PRPH2: variants seen among roughly 807,000 people sequenced by gnomAD.
The protein encoded by PRPH2 is peripherin-2.
A neutral mutation model predicts 31.3 loss-of-function variants in PRPH2; 17 were observed. That is an observed-to-expected ratio of 0.54 (90% CI 0.37 to 0.81). The LOEUF is 0.81. Among genes scored for constraint, PRPH2 ranks in the 40% least tolerant of loss-of-function variants. PRPH2 has a pLI of 0.00. For missense variants in PRPH2, 430 were observed against 439.7 expected, an observed-to-expected ratio of 0.98 and a Z score of 0.20; for synonymous variants, 165 against 184.4, an observed-to-expected ratio of 0.89 and a Z score of 0.85.
chr6:42,720,999 T>C (rs1237798472), intron 1 of PRPH2, among the ~76,000 whole-genome samples: 1 of 152,218 alleles, frequency 6.6e-6, no homozygotes, highest in Non-Finnish European at 1.5e-5. Context: ...TTAGAAATGC[T>C]TTATCACATT....
At chr6:42,703,323 G>A (rs1044713536) in intron 2 of PRPH2, among the ~76,000 whole-genome samples, 43 of 152,218 alleles carry the variant, frequency 2.8e-4, no homozygotes, top group African/African-American at 9.6e-4. Context: ...TAGCTACAGA[G>A]AAACTGAGCG....
chr6:42,713,952 G>C (rs1031958440), intron 1 of PRPH2, among the ~76,000 whole-genome samples: 5 of 147,820 alleles, frequency 3.4e-5, no homozygotes, highest in Admixed American at 6.8e-5. Flanking sequence ...AAAAAAGACA[G>C]GGAAAGACAG....
intron 1 of PRPH2, among the ~76,000 whole-genome samples, chr6:42,710,824 G>A (rs1800264559): frequency 6.6e-6 from 1 of 152,230 alleles, no homozygotes. Context: ...ATAGGGCAAT[G>A]AGCAGGGGTA....
At chr6:42,699,555 C>G (rs1224476603) in intron 2 of PRPH2, among the ~76,000 whole-genome samples, 1 of 152,082 alleles carries the variant, frequency 6.6e-6, no homozygotes, top group Non-Finnish European at 1.5e-5. Flanking sequence ...GAAGTGGTGC[C>G]CACCCCGTGT....
chr6:42,721,729 G>C (rs758276201), intron 1 of PRPH2, 25 bp downstream of exon 1: 1 of 1,613,060 alleles, frequency 6.2e-7, no homozygotes, highest in Non-Finnish European at 8.5e-7. Context: ...TCATAGCTCT[G>C]ACCCCAGGAC....
At chr6:42,715,817 T>G (rs1427501690) in intron 1 of PRPH2, among the ~76,000 whole-genome samples, 1 of 152,170 alleles carries the variant, frequency 6.6e-6, no homozygotes, top group Non-Finnish European at 1.5e-5. Context: ...CTCCAAAACC[T>G]GCCCGCCCCT....
At chr6:42,708,084 G>A (rs1800202619) in intron 1 of PRPH2, among the ~76,000 whole-genome samples, 1 of 152,334 alleles carries the variant, frequency 6.6e-6, no homozygotes, top group Admixed American at 6.5e-5. Context: ...CACTGGGCAG[G>A]TGGCCGAGCA....
intron 1 of PRPH2, among the ~76,000 whole-genome samples, chr6:42,712,344 G>A (rs561353608): frequency 7.4e-4 from 113 of 152,262 alleles, no homozygotes; most frequent in Non-Finnish European, 1.3e-3. Flanking sequence ...CATAGACTGG[G>A]TATTGATTGA....
chr6:42,719,130 T>C (rs1761845860), intron 1 of PRPH2, among the ~76,000 whole-genome samples: 1 of 151,702 alleles, frequency 6.6e-6, no homozygotes, highest in African/African-American at 2.4e-5. Flanking sequence ...AAAATCTGAA[T>C]GCTTGCCTAA....
At chr6:42,704,149 CA>C (rs1333748389) in intron 2 of PRPH2, among the ~76,000 whole-genome samples, 1 of 140,152 alleles carries the variant, frequency 7.1e-6, no homozygotes, top group Admixed American at 7.5e-5. Flanking sequence ...GGAAAGAAAC[CA>C]AAAAAGAAAT....
chr6:42,698,527 T>C lies in PRPH2; in HGVS notation c.829-20A>G. Reference sequence around the variant, plus strand: ...GGTCACCTGGTGGTGGGAGAGGAGATTTAGAGGCAATCTGGGAGAATCGCT... The same window carrying C: ...GGTCACCTGGTGGTGGGAGAGGAGACTTAGAGGCAATCTGGGAGAATCGCT... On this transcript the variant is annotated intron_variant, in intron 2 of 2. Coordinates refer to ENST00000230381, the MANE Select transcript of PRPH2 (RefSeq NM_000322.5). 2 of 1,613,920 alleles carry C rather than the reference T, an allele frequency of 1.2e-6. No individual in the cohort carries two copies. The highest frequency in any genetic ancestry group is 1.7e-6 in the Non-Finnish European group (2 of 1,179,984).
At chr6:42,711,553 C>A (rs1761644719) in intron 1 of PRPH2, among the ~76,000 whole-genome samples, 1 of 97,222 alleles carries the variant, frequency 1.0e-5, no homozygotes, top group Non-Finnish European at 2.2e-5. Context: ...TCAGGGAGCC[C>A]CGGTCTGAGG....
In PRPH2 at chr6:42,704,573, T is replaced by C. The variant is rs1800116925; in HGVS notation, c.620A>G (p.Asp207Gly). 6.2e-7 allele frequency: 1 copy of C among 1,614,048 alleles called. No homozygotes were observed. The highest frequency in any genetic ancestry group is 8.5e-7 in the Non-Finnish European group (1 of 1,180,000). Reference protein sequence around the residue: ...KSNVDGRYLVDGVPFSCCNPS... With the variant: ...KSNVDGRYLVGGVPFSCCNPS... ...ATTGCAGCAGCTGAAAGGGACGCCGTCCACCAGGTACCGCCCATCCACGTT... is the reference window on the plus strand; with the variant it reads ...ATTGCAGCAGCTGAAAGGGACGCCGCCCACCAGGTACCGCCCATCCACGTT... The change falls in exon 2 of 3, where the codon GAC becomes GGC. Residue 207 changes from aspartate to glycine, a missense_variant. Transcript: ENST00000230381.
At chr6:42,711,945 A>G (rs1446534993) in intron 1 of PRPH2, 1 of 985,270 alleles carries the variant, frequency 1.0e-6, no homozygotes, top group African/African-American at 1.7e-5. Context: ...GCAACCTTTA[A>G]AAGAAGTGTT....
chr6:42,699,785 C>G (rs1341552215), intron 2 of PRPH2, among the ~76,000 whole-genome samples: 2 of 151,902 alleles, frequency 1.3e-5, no homozygotes, highest in Non-Finnish European at 2.9e-5. Flanking sequence ...CCCAGCTACC[C>G]GGGTACTTGG....
chr6:42,718,812 C>T (rs1430221539), intron 1 of PRPH2, among the ~76,000 whole-genome samples: 1 of 151,998 alleles, frequency 6.6e-6, no homozygotes, highest in Non-Finnish European at 1.5e-5. Context: ...GCCACCACTC[C>T]TGGCTAATGT....
chr6:42,706,975 C>CTTTTTTTTTTT, intron 1 of PRPH2, among the ~76,000 whole-genome samples: 1 of 123,642 alleles, frequency 8.1e-6, no homozygotes, highest in Non-Finnish European at 1.6e-5. Flanking sequence ...TCTTGGAGAT[C>CTTTTTTTTTTT]TTTTTTTTTT....
At chr6:42,715,228 CA>C (rs1761754306) in intron 1 of PRPH2, among the ~76,000 whole-genome samples, 1 of 151,506 alleles carries the variant, frequency 6.6e-6, no homozygotes, top group Non-Finnish European at 1.5e-5. Flanking sequence ...AACAAACAAA[CA>C]AAAACTAAAA....
At position 42,722,376 on chromosome 6, in the gene PRPH2, C is replaced by A. The variant is rs377728309; in HGVS notation, c.-42G>T. On this transcript the variant is annotated 5_prime_UTR_variant, in exon 1 of 3. Coordinates refer to ENST00000230381, the MANE Select transcript of PRPH2 (RefSeq NM_000322.5). This position sits in a 1 kb window ranked among gnomAD's most constrained non-coding sequence, Gnocchi z 4.4. ...CCGGGTTGCTTCCCACAGCACAGCT[C>A]CCACCCCAAACCTTAACGAGCCCAG... The A allele has an allele frequency of 9.9e-6, 16 of 1,609,702 alleles. No individual in the cohort carries two copies. Among genetic ancestry groups the A allele is most frequent in the Non-Finnish European group, 1.4e-5 (16 of 1,179,836 alleles).
Sources: gnomAD v4.1 joint callset for allele counts (sites outside exome capture counted in the v4.1 genomes callset) on GRCh38, gnomAD v4.1.1 for gene constraint, Gnocchi (gnomAD v3.1) non-coding constraint, MANE v1.5 for transcripts, NCBI Gene and HGNC (gene_info 2026-07-23, HGNC 2026-07-21) for gene names.